LRP5: variants seen among roughly 807,000 people sequenced by gnomAD.
LRP5 encodes the protein low-density lipoprotein receptor-related protein 5.
Under a neutral mutation model 154.1 loss-of-function variants are expected in LRP5, and 62 were observed. The observed-to-expected ratio is 0.40, with a 90% confidence interval of 0.33 to 0.50. The LOEUF (loss-of-function observed/expected upper bound fraction) is 0.50, where lower values mean the gene tolerates loss of function less well. Ranked by LOEUF, LRP5 falls within the 20% of genes least tolerant of loss-of-function variation. The pLI is 0.55. For synonymous variants in LRP5, 966 were observed against 1,011.5 expected, an observed-to-expected ratio of 0.96 and a Z score of 0.85; for missense variants, 1,915 against 2,336.7, an observed-to-expected ratio of 0.82 and a Z score of 3.72.
At chr11:68,334,071 T>C (rs370978174) in intron 1 of LRP5, among the ~76,000 whole-genome samples, 2 of 152,112 alleles carry the variant, frequency 1.3e-5, no homozygotes, top group East Asian at 1.9e-4. Flanking sequence ...CCATCTCTAC[T>C]AAAAATACAA....
intron 7 of LRP5, among the ~76,000 whole-genome samples, chr11:68,401,490 G>A (rs2098652607): frequency 6.6e-6 from 1 of 152,154 alleles, no homozygotes; most frequent in South Asian, 2.1e-4. Flanking sequence ...TCCAGGTTGG[G>A]GCCAGGCCGT....
At chr11:68,362,406 G>A (rs1565345997) in intron 3 of LRP5, among the ~76,000 whole-genome samples, 1 of 152,260 alleles carries the variant, frequency 6.6e-6, no homozygotes, top group East Asian at 1.9e-4. Flanking sequence ...ATTTAGGCTG[G>A]GTGCAGTGGC....
At position 68,433,877 on chromosome 11, in the gene LRP5, C is replaced by G. The variant is rs1353471244; in HGVS notation, c.4000+39C>G. 5.1e-6 allele frequency: 8 copies of G among 1,583,236 alleles called. No individual in the cohort carries two copies. In the East Asian group the frequency reaches 1.6e-4, roughly 31 times the overall value. ...CGTCAAGGCTCTGCCAAGACCCTGG[C>G]CCTGCCCTCCGGGATACGAGCTTGG... On this transcript the variant is annotated intron_variant, in intron 18 of 22. Coordinates refer to ENST00000294304, the MANE Select transcript of LRP5 (RefSeq NM_002335.4).
intron 3 of LRP5, among the ~76,000 whole-genome samples, chr11:68,362,228 A>G (rs982415438): frequency 6.6e-6 from 1 of 152,158 alleles, no homozygotes; most frequent in Non-Finnish European, 1.5e-5. Context: ...TGTGTAGTTA[A>G]GTCCATCAAA....
chr11:68,312,910 GGCGAGTTGGGA>G (rs1218330541), intron 1 of LRP5, 105 bp downstream of exon 1: 3 of 588,618 alleles, frequency 5.1e-6, no homozygotes, highest in Non-Finnish European at 6.4e-6. Context: ...GAAGCGACTT[GGCGAGTTGGGA>G]GCGAGTTGGG....
chr11:68,341,059 CTTTTTT>C (rs576462333), intron 1 of LRP5, among the ~76,000 whole-genome samples: 3 of 83,496 alleles, frequency 3.6e-5, no homozygotes, highest in African/African-American at 4.8e-5. Flanking sequence ...GGAGATTGTT[CTTTTTT>C]TTTTTTTTTT....
intron 21 of LRP5, among the ~76,000 whole-genome samples, chr11:68,444,372 C>G (rs1206247823): frequency 6.6e-6 from 1 of 152,068 alleles, no homozygotes; most frequent in Non-Finnish European, 1.5e-5. Flanking sequence ...AAAAAATTAG[C>G]TGGGTGTGGT....
At chr11:68,446,332 G>A in intron 21 of LRP5, 104 bp from the exon 22 acceptor site, 1 of 839,766 alleles carries the variant, frequency 1.2e-6, no homozygotes, top group Non-Finnish European at 2.0e-6. Flanking sequence ...GGAAGCAGGG[G>A]GGCCAGAAGC....
intron 5 of LRP5, among the ~76,000 whole-genome samples, chr11:68,367,772 A>G (rs2098631872): frequency 6.6e-6 from 1 of 152,204 alleles, no homozygotes; most frequent in South Asian, 2.1e-4. Context: ...GGTGTAAAAC[A>G]GGCAGCTCGG....
chr11:68,405,031 G>A (rs1386408741), intron 8 of LRP5, among the ~76,000 whole-genome samples: 4 of 151,166 alleles, frequency 2.6e-5, no homozygotes, highest in South Asian at 4.2e-4. Context: ...GTGGTATCAC[G>A]CGCCTATAAT....
chr11:68,422,873 A>C (rs1591308842), intron 13 of LRP5, among the ~76,000 whole-genome samples: 5 of 69,316 alleles, frequency 7.2e-5, no homozygotes, highest in Middle Eastern at 5.1e-3. Context: ...CTGCACCCTC[A>C]CCTGTCCCCC....
At chr11:68,404,097 G>C in intron 8 of LRP5, 1 of 430,702 alleles carries the variant, frequency 2.3e-6, no homozygotes, top group Admixed American at 3.4e-5. Flanking sequence ...GGGTCTGCCT[G>C]GGCTGGGCTG....
intron 1 of LRP5, among the ~76,000 whole-genome samples, chr11:68,325,406 G>A (rs2098599086): frequency 6.6e-6 from 1 of 152,182 alleles, no homozygotes; most frequent in Non-Finnish European, 1.5e-5. Context: ...AGTGTGAAGA[G>A]GAGGGGTGGG....
intron 13 of LRP5, among the ~76,000 whole-genome samples, chr11:68,417,778 T>C (rs530652685): frequency 6.6e-6 from 1 of 151,154 alleles, no homozygotes; most frequent in Admixed American, 6.6e-5. Context: ...CTACTGAATA[T>C]ACAAAAATCA....
chr11:68,348,163 C>A lies in LRP5; in HGVS notation c.408C>A (p.Asn136Lys), dbSNP rs752352965. The part of the protein sequence containing the change: ...DSETNRIEVA[N>K]LNGTSRKVLF... ...AGACCAACCGCATCGAGGTGGCCAACCTCAATGGCACATCCCGGAAGGTGC... is the reference window on the plus strand; with the variant it reads ...AGACCAACCGCATCGAGGTGGCCAAACTCAATGGCACATCCCGGAAGGTGC... Residue 136 changes from asparagine (N) to lysine (K), a missense_variant, in exon 2 of 23, where the codon AAC (asparagine) becomes AAA (lysine). Transcript: ENST00000294304. 1.6e-5 allele frequency: 26 copies of A among 1,613,756 alleles called. No individual in the cohort carries two copies. The highest frequency in any genetic ancestry group is 2.1e-5 in the Non-Finnish European group (25 of 1,180,056).
At chr11:68,438,869 G>A (rs2153181510) in intron 20 of LRP5, among the ~76,000 whole-genome samples, 187 bp downstream of exon 20, 1 of 152,360 alleles carries the variant, frequency 6.6e-6, no homozygotes, top group African/African-American at 2.4e-5. Context: ...CAACACAGAG[G>A]CCTGCATGGC....
the LRP5 span, among the ~76,000 whole-genome samples, chr11:68,299,525 G>A: frequency 6.6e-6 from 1 of 151,266 alleles, no homozygotes; most frequent in East Asian, 1.9e-4. Context: ...AGTGCTCAGT[G>A]TAGACGGGGG....
intron 5 of LRP5, among the ~76,000 whole-genome samples, chr11:68,382,663 G>C (rs2098640884): frequency 6.6e-6 from 1 of 152,142 alleles, no homozygotes; most frequent in Non-Finnish European, 1.5e-5. Context: ...GATGAAGGCA[G>C]CCAGGCGGCA....
chr11:68,406,560 G>A lies in LRP5; in HGVS notation c.1838G>A (p.Ser613Asn). The A allele has an allele frequency of 1.9e-6, 3 of 1,614,168 alleles. No individual in the cohort carries two copies. Among genetic ancestry groups the A allele is most frequent in the Non-Finnish European group, 2.5e-6 (3 of 1,180,032 alleles). ...TGTGCGGACAGGAACGGGGGGTGCA[G>A]CCACCTGTGCTTCTTCACACCCCAC... ...NPCADRNGGCSHLCFFTPHAT... is the reference protein window; with the variant it reads ...NPCADRNGGCNHLCFFTPHAT... The change falls in exon 9 of 23, where the codon AGC becomes AAC. Residue 613 changes from serine (S) to asparagine (N), a missense_variant. By Grantham distance (46) the Ser-to-Asn change is conservative. Transcript: ENST00000294304.
Sources: gnomAD v4.1 joint callset for allele counts (sites outside exome capture counted in the v4.1 genomes callset) on GRCh38, gnomAD v4.1.1 for gene constraint, MANE v1.5 for transcripts, NCBI Gene and HGNC (gene_info 2026-07-23, HGNC 2026-07-21) for gene names.